HDAC4: variants seen among roughly 807,000 people sequenced by gnomAD.
HDAC4 encodes the protein histone deacetylase 4, also known as histone deacetylase A.
In HDAC4, 16 loss-of-function variants were observed where a neutral mutation model predicts 135.1. The observed-to-expected ratio is 0.12, with a 90% CI of 0.08 to 0.18. The LOEUF (loss-of-function observed/expected upper bound fraction) is 0.18, where lower values mean the gene tolerates loss of function less well. HDAC4 is among the 10% of genes least tolerant of loss of function. The pLI, the probability that HDAC4 is intolerant of heterozygous loss-of-function variation, is 1.00. For synonymous variants in HDAC4, 685 were observed against 653.4 expected (o/e 1.05, Z -0.74); for missense variants, 1,143 against 1,511.8 (o/e 0.76, Z 4.05).
In HDAC4 at chr2:239,325,971, TA is replaced by T. The variant is rs542201957; in HGVS notation, c.22+26706del. On this transcript the variant is annotated intron_variant, in intron 2 of 26. Coordinates refer to ENST00000543185, the MANE Select transcript of HDAC4 (RefSeq NM_001378414.1). ...ACAGAGTGGGATGAAAAAAAAATAA[TA>T]ATAAATTAAGCACAAAATTATCATA... Among the ~76,000 whole-genome samples, 540 of 151,884 alleles carry T rather than the reference TA, an allele frequency of 3.6e-3. 5 individuals are homozygous for T. Among genetic ancestry groups the T allele is most frequent in the African/African-American group, 0.012 (486 of 41,414 alleles).
chr2:239,305,282 C>A (rs759200660), intron 2 of HDAC4, among the ~76,000 whole-genome samples: 3 of 152,246 alleles, frequency 2.0e-5, no homozygotes, highest in Non-Finnish European at 4.4e-5. Flanking sequence ...CGATGGCAGT[C>A]GCCTCAGGGC....
At chr2:239,354,104 C>A (rs1361053982) in intron 1 of HDAC4, among the ~76,000 whole-genome samples, 1 of 152,226 alleles carries the variant, frequency 6.6e-6, no homozygotes, top group Non-Finnish European at 1.5e-5. Flanking sequence ...AACATTCTGA[C>A]ATGCTTCCTT....
At chr2:239,386,103 G>A (rs1695785284) in intron 1 of HDAC4, among the ~76,000 whole-genome samples, 1 of 152,086 alleles carries the variant, frequency 6.6e-6, no homozygotes, top group South Asian at 2.1e-4. Context: ...ACAATGATGA[G>A]CCACAGGATG....
intron 3 of HDAC4, among the ~76,000 whole-genome samples, chr2:239,228,026 T>C (rs968075783): frequency 6.6e-5 from 10 of 152,114 alleles, no homozygotes; most frequent in Admixed American, 3.3e-4. Context: ...CCTAGGGACA[T>C]TGCCACAAAG....
chr2:239,207,693 C>T (rs1049367626), intron 3 of HDAC4, among the ~76,000 whole-genome samples: 1 of 152,248 alleles, frequency 6.6e-6, no homozygotes, highest in African/African-American at 2.4e-5. Context: ...ACAGAATTAA[C>T]CCTATAATCA....
chr2:239,184,705 G>A (rs1413082167), intron 4 of HDAC4, among the ~76,000 whole-genome samples: 3 of 114,474 alleles, frequency 2.6e-5, no homozygotes, highest in East Asian at 3.5e-4. Flanking sequence ...CGGAGGATGT[G>A]TCCTATGGGG....
Position 239,240,868 on chromosome 2 carries a change from G to T in HDAC4, c.23-4204C>A, listed in dbSNP as rs1362408634. Among the ~76,000 whole-genome samples, 1 of 152,228 alleles carries T rather than the reference G, an allele frequency of 6.6e-6. No homozygotes were observed. The highest frequency in any genetic ancestry group is 1.5e-5 in the Non-Finnish European group (1 of 68,044). On this transcript the variant is annotated intron_variant, in intron 2 of 26. Transcript: ENST00000543185. This position sits in a 1 kb window ranked among gnomAD's most constrained non-coding sequence, Gnocchi z 4.5. The stretch of plus-strand genomic sequence containing the variant: ...TTTGAGACTCGGAGTCCGCCCATGG[G>T]AGGAACAGGACTAAGACAGACAGTG...
At chr2:239,302,123 A>C (rs1380580043) in intron 2 of HDAC4, among the ~76,000 whole-genome samples, 1 of 152,202 alleles carries the variant, frequency 6.6e-6, no homozygotes, top group South Asian at 2.1e-4. Flanking sequence ...AAACATTCTC[A>C]GTATCATTCT....
At chr2:239,070,117 C>T (rs1342399093) in intron 22 of HDAC4, among the ~76,000 whole-genome samples, 1 of 152,212 alleles carries the variant, frequency 6.6e-6, no homozygotes, top group East Asian at 1.9e-4. Context: ...ACTGAAGACA[C>T]GTGCAGTCAC....
At chr2:239,228,817 G>A (rs979604696) in intron 3 of HDAC4, among the ~76,000 whole-genome samples, 20 of 152,234 alleles carry the variant, frequency 1.3e-4, no homozygotes, top group Middle Eastern at 3.4e-3. Context: ...GCAGGAGGGC[G>A]CAGCTTCTGG....
rs759393918 is a variant in HDAC4, at chr2:239,066,932, G to A, written c.2870-77C>T. 6 of 1,546,100 alleles carry A rather than the reference G, an allele frequency of 3.9e-6. No individual in the cohort carries two copies. The South Asian group carries it at 7.0e-5, about 18-fold the overall frequency. On this transcript the variant is annotated intron_variant, in intron 23 of 26. Transcript: ENST00000543185. Reference sequence around the variant, plus strand: ...GCACAGCCCAGAAACGCGTCTCATGGCATCGTAAGAAGACTGGGGGCTGGG... The same window carrying A: ...GCACAGCCCAGAAACGCGTCTCATGACATCGTAAGAAGACTGGGGGCTGGG...
At chr2:239,127,873 G>T (rs772797710) in intron 11 of HDAC4, among the ~76,000 whole-genome samples, 1 of 152,256 alleles carries the variant, frequency 6.6e-6, no homozygotes, top group Non-Finnish European at 1.5e-5. Flanking sequence ...TCGCAGGGCA[G>T]CTGGGTGTGT....
chr2:239,169,984 T>A (rs778201201), intron 5 of HDAC4, among the ~76,000 whole-genome samples: 1 of 152,216 alleles, frequency 6.6e-6, no homozygotes, highest in Non-Finnish European at 1.5e-5. Flanking sequence ...TACAATGGAA[T>A]ATAAACCCTC....
At position 239,082,141 on chromosome 2, in the gene HDAC4, G is replaced by A. The variant is rs755115219; in HGVS notation, c.2613C>T (p.Asp871=). The A allele has an allele frequency of 3.1e-5, 50 of 1,614,000 alleles. No individual in the cohort carries two copies. The Admixed American group carries it at 3.3e-4, about 11-fold the overall frequency. Residue 871 remains aspartate (D), a synonymous_variant, in exon 21 of 27, where the codon GAC becomes GAT. Coordinates refer to ENST00000543185, the MANE Select transcript of HDAC4 (RefSeq NM_001378414.1). ...SVLYMSLHRY[D]DGNFFPGSGA... ...CGCTGCCTGGGAAGAAGTTCCCATC[G>A]TCGTAGCGGTGGAGGGACATGTACA... is the stretch of plus-strand genomic sequence containing the variant.
intron 1 of HDAC4, among the ~76,000 whole-genome samples, chr2:239,379,413 G>A (rs1025193395): frequency 3.3e-5 from 5 of 152,258 alleles, no homozygotes; most frequent in East Asian, 1.9e-4. Context: ...CCGTCTACCC[G>A]TTGTGGAGCC....
At chr2:239,317,496 A>C (rs975244711) in intron 2 of HDAC4, among the ~76,000 whole-genome samples, 3 of 152,100 alleles carry the variant, frequency 2.0e-5, no homozygotes, top group Non-Finnish European at 1.5e-5. Context: ...CAAGAGAGTA[A>C]AGAAGGGTCC....
Position 239,134,399 on chromosome 2 carries a change from G to A in HDAC4, c.1140C>T (p.Ala380=). The change falls in exon 11 of 27, where the codon GCC becomes GCT. Residue 380 remains alanine (A), a synonymous_variant. Transcript: ENST00000543185. The stretch of plus-strand genomic sequence containing the variant: ...GGAAAAGGGAGAGCCTCTGCTGGAG[G>A]GCGGGAAGGGTGAGTCTCTCGGCGT... ...QQDAERLTLP[A]LQQRLSLFPG... The A allele has an allele frequency of 6.2e-7, 1 of 1,613,876 alleles. No homozygotes were observed. The highest frequency in any genetic ancestry group is 8.5e-7 in the Non-Finnish European group (1 of 1,179,940).
intron 7 of HDAC4, among the ~76,000 whole-genome samples, chr2:239,150,671 C>T (rs1575200677): frequency 6.9e-6 from 1 of 144,570 alleles, no homozygotes; most frequent in African/African-American, 2.5e-5. Context: ...CACCACACTG[C>T]ACCTCCTGAA....
chr2:239,191,082 A>G, intron 3 of HDAC4: 1 of 442,738 alleles, frequency 2.3e-6, no homozygotes, highest in Non-Finnish European at 4.6e-6. Flanking sequence ...GTGAGAGCCC[A>G]GCCTGCCTGC....
Sources: allele counts gnomAD v4.1 joint callset (sites outside exome capture counted in the v4.1 genomes callset), GRCh38; gene constraint gnomAD v4.1.1; non-coding constraint Gnocchi (gnomAD v3.1); transcripts MANE v1.5; gene names NCBI Gene and HGNC (gene_info 2026-07-23, HGNC 2026-07-21).